RASA1: variants seen among roughly 807,000 people sequenced by gnomAD.
The protein encoded by RASA1 is ras GTPase-activating protein 1.
A neutral mutation model predicts 132.2 loss-of-function variants in RASA1; 25 were observed. That is an observed-to-expected ratio of 0.19 (90% CI 0.14 to 0.26). The LOEUF is 0.26. Among genes scored for constraint, RASA1 ranks in the 10% least tolerant of loss-of-function variants. The pLI, the probability that RASA1 is intolerant of heterozygous loss-of-function variation, is 1.00. For synonymous variants in RASA1, 477 were observed against 449.9 expected (o/e 1.06, Z -0.76); for missense variants, 964 against 1,299.2 (o/e 0.74, Z 3.97).
rs886060843 is a variant in RASA1, at chr5:87,389,379, C to T, written c.2926-14C>T. The T allele has an allele frequency of 1.4e-5, 23 of 1,613,476 alleles. No individual in the cohort carries two copies. Among genetic ancestry groups the T allele is most frequent in the African/African-American group, 2.7e-5 (2 of 74,884 alleles). On this transcript the variant is annotated splice_polypyrimidine_tract_variant and intron_variant, in intron 23 of 24. Transcript: ENST00000274376. ...ATTTGTATTTCTAAATGCAATTTTA[C>T]GATTCCCTTAAAGAATGTACCTGAA... is the stretch of plus-strand genomic sequence containing the variant.
At chr5:87,372,228 C>T (rs1294719076) in intron 13 of RASA1, 33 bp downstream of exon 13, 2 of 1,579,124 alleles carry the variant, frequency 1.3e-6, no homozygotes, top group South Asian at 1.1e-5. Flanking sequence ...TTTTAATTGT[C>T]ACATTTTGCT....
intron 8 of RASA1, among the ~76,000 whole-genome samples, chr5:87,351,776 CTGAT>C (rs1404677007): frequency 6.6e-6 from 1 of 151,726 alleles, no homozygotes; most frequent in Non-Finnish European, 1.5e-5. Context: ...AAAAACCTAT[CTGAT>C]TGGTTGCCAC....
chr5:87,318,632 A>G (rs1361319383), intron 1 of RASA1: 1 of 152,200 alleles, frequency 6.6e-6, no homozygotes, highest in African/African-American at 2.4e-5. Context: ...GAGAGCAGCA[A>G]GGGGAAATTT....
intron 1 of RASA1, among the ~76,000 whole-genome samples, chr5:87,323,234 AAG>A (rs1487216856): frequency 6.6e-6 from 1 of 152,210 alleles, no homozygotes; most frequent in Non-Finnish European, 1.5e-5. Context: ...TTTTTTAAAA[AAG>A]TTAAATAGGA....
chr5:87,289,028 A>G (rs925706167), intron 1 of RASA1, among the ~76,000 whole-genome samples: 1 of 150,202 alleles, frequency 6.7e-6, no homozygotes, highest in Non-Finnish European at 1.5e-5. Context: ...AGTGTCGTTT[A>G]TATTTGTCTG....
chr5:87,369,833 T>C lies in RASA1; in HGVS notation c.1631T>C (p.Val544Ala). ...LFGRPNCFQI[V>A]VQHFSEEHYI... ...TAAAGGCCAAACTGTTTTCAGATAG[T>C]AGTTCAGCACTTTAGTGAAGAACAT... The change falls in exon 12 of 25, where the codon GTA (valine) becomes GCA (alanine). Residue 544 changes from valine (V) to alanine (A), a missense_variant. Val to Ala is a moderately conservative substitution (Grantham distance 64). This residue lies in a region of RASA1 where 346 missense variants were observed against 520.1 expected (regional missense o/e 0.67). Coordinates refer to ENST00000274376, the MANE Select transcript of RASA1 (RefSeq NM_002890.3). 6.2e-7 allele frequency: 1 copy of C among 1,611,716 alleles called. No homozygotes were observed. The highest frequency in any genetic ancestry group is 8.5e-7 in the Non-Finnish European group (1 of 1,178,526).
rs1329251286 is a variant in RASA1, at chr5:87,268,266, G to C, written c.-186G>C. The C allele has an allele frequency of 1.1e-6, 1 of 870,386 alleles. No individual in the cohort carries two copies. 53.9% of individuals were successfully genotyped at this position (870,386 alleles called of 1,614,324 possible). On this transcript the variant is annotated 5_prime_UTR_variant, in exon 1 of 25. Coordinates refer to ENST00000274376, the MANE Select transcript of RASA1 (RefSeq NM_002890.3). ...CACTTGGCTTCCCGTAACCCAGGCA[G>C]CTGGGGAGCCTGGGCTGTGGCCCTA...
chr5:87,387,049 C>A, intron 23 of RASA1, 146 bp downstream of exon 23: 2 of 694,268 alleles, frequency 2.9e-6, no homozygotes, highest in Admixed American at 2.7e-5. Context: ...CCTTCCTAAA[C>A]AAAAAACATA....
chr5:87,331,545 T>C, intron 2 of RASA1, 45 bp downstream of exon 2: 1 of 1,585,528 alleles, frequency 6.3e-7, no homozygotes, highest in Middle Eastern at 1.8e-4. Flanking sequence ...GTAGCTATTT[T>C]GATATAATAT....
intron 1 of RASA1, chr5:87,331,070 G>C: frequency 9.2e-7 from 1 of 1,082,544 alleles, no homozygotes; most frequent in East Asian, 2.6e-5. Context: ...TTGAATAGCA[G>C]GCAATCCTGG....
chr5:87,271,552 T>TCCGCC (rs1753840490), intron 1 of RASA1, among the ~76,000 whole-genome samples: 1 of 135,470 alleles, frequency 7.4e-6, no homozygotes, highest in Admixed American at 8.2e-5. Context: ...CACTGCAAGC[T>TCCGCC]CCGCCCCGCC....
At position 87,268,852 on chromosome 5, in the gene RASA1, T is replaced by TTCCCCCTCTGCCCCCTCCCCC; in HGVS notation, c.403_423dup (p.Pro135_Pro141dup). 1 of 1,614,132 alleles carries TTCCCCCTCTGCCCCCTCCCCC rather than the reference T, an allele frequency of 6.2e-7. No homozygotes were observed. The highest frequency in any genetic ancestry group is 8.5e-7 in the Non-Finnish European group (1 of 1,180,020). ...GAGACTCTCGGGCCAGGCGGCGGTT[T>TTCCCCCTCTGCCCCCTCCCCC]TCCCCCTCTGCCCCCTCCCCCTTAC... On this transcript the variant is annotated inframe_insertion, in exon 1 of 25. Transcript: ENST00000274376.
intron 1 of RASA1, among the ~76,000 whole-genome samples, chr5:87,305,511 A>G (rs1213406013): frequency 6.6e-6 from 1 of 152,206 alleles, no homozygotes; most frequent in Non-Finnish European, 1.5e-5. Context: ...ACTAAAATAT[A>G]ACACCCCATA....
At chr5:87,349,405 A>G in intron 8 of RASA1, 41 bp downstream of exon 8, 1 of 1,598,918 alleles carries the variant, frequency 6.3e-7, no homozygotes, top group South Asian at 1.1e-5. Flanking sequence ...TTTTCGCAAA[A>G]ATAGTTGAAA....
intron 11 of RASA1, chr5:87,366,309 A>G (rs1446455092): frequency 8.1e-6 from 3 of 370,672 alleles, no homozygotes; most frequent in Non-Finnish European, 1.7e-5. Flanking sequence ...GTAAGATTGA[A>G]GAAAAGCTTT....
At chr5:87,367,482 G>T (rs111322540) in intron 11 of RASA1, among the ~76,000 whole-genome samples, 2 of 152,176 alleles carry the variant, frequency 1.3e-5, no homozygotes, top group African/African-American at 4.8e-5. Flanking sequence ...GATGCTGAAC[G>T]AATGTTGGAT....
chr5:87,351,850 C>T (rs1017577719), intron 8 of RASA1, among the ~76,000 whole-genome samples: 31 of 151,848 alleles, frequency 2.0e-4, no homozygotes, highest in African/African-American at 5.8e-4. Flanking sequence ...TTCCTGTTCT[C>T]TCAGTTTATG....
chr5:87,386,913 T>TACTTTTTTTTTCAGACTTTTTTTA lies in RASA1; in HGVS notation c.2925+11_2925+12insCTTTTTTTTTCAGACTTTTTTTAA. On this transcript the variant is annotated intron_variant, in intron 23 of 24. Transcript: ENST00000274376. ...TTTAGATGAACTTGGGGTATGTATA[T>TACTTTTTTTTTCAGACTTTTTTTA]AGTTTTCAGGTACTTTTTTTAAGAC... The TACTTTTTTTTTCAGACTTTTTTTA allele has an allele frequency of 6.2e-7, 1 of 1,604,870 alleles. No homozygotes were observed.
At chr5:87,275,444 A>G (rs1754021244) in intron 1 of RASA1, among the ~76,000 whole-genome samples, 1 of 152,178 alleles carries the variant, frequency 6.6e-6, no homozygotes, top group East Asian at 1.9e-4. Flanking sequence ...GTTGGCTATA[A>G]TGTCCACTGT....
Sources: gnomAD v4.1 joint callset for allele counts (sites outside exome capture counted in the v4.1 genomes callset) on GRCh38, gnomAD v4.1.1 for gene constraint, gnomAD v4.1.1 regional missense constraint, MANE v1.5 for transcripts, NCBI Gene and HGNC (gene_info 2026-07-23, HGNC 2026-07-21) for gene names.